The following FNBP1 variants were observed in gnomAD, a reference collection of about 807,000 sequenced individuals.
FNBP1 encodes formin binding protein 1, also known as formin-binding protein 1.
FNBP1 carries 26 observed loss-of-function variants against 90.6 expected under a neutral mutation model. The observed-to-expected ratio is 0.29, with a 90% CI of 0.21 to 0.40. FNBP1 has a LOEUF of 0.40. FNBP1 is among the 10% of genes least tolerant of loss of function. The pLI is 1.00. For missense variants in FNBP1, 635 were observed against 768.0 expected (o/e 0.83, Z 2.05); for synonymous variants, 260 against 265.2 (o/e 0.98, Z 0.19).
At chr9:130,012,647 G>A (rs1293843801) in intron 1 of FNBP1, among the ~76,000 whole-genome samples, 1 of 151,968 alleles carries the variant, frequency 6.6e-6, no homozygotes, top group Non-Finnish European at 1.5e-5. Flanking sequence ...GTTTTGTTTT[G>A]TTTTTTAATT....
chr9:129,933,680 CAGG>C (rs1564368913), intron 6 of FNBP1: 1 of 152,132 alleles, frequency 6.6e-6, no homozygotes, highest in African/African-American at 2.4e-5. Context: ...ACTGTCTCTC[CAGG>C]AGTTTTTCTT....
Position 129,890,839 on chromosome 9 carries a change from G to A in FNBP1, c.1847-293C>T, listed in dbSNP as rs1291209656. 6.6e-6 allele frequency among the ~76,000 whole-genome samples: 1 copy of A among 152,206 alleles called. No homozygotes were observed. The highest frequency in any genetic ancestry group is 1.5e-5 in the Non-Finnish European group (1 of 68,048). ...CCGCCCCAACTCGTCTTTCTCATAA[G>A]TTTAGTTTTGAGAGAAAGTAAGAAA... On this transcript the variant is annotated intron_variant, in intron 16 of 16. Transcript: ENST00000446176. This position sits in a 1 kb window ranked among gnomAD's most constrained non-coding sequence, Gnocchi z 5.8.
At position 129,994,928 on chromosome 9, in the gene FNBP1, G is replaced by T. The variant is rs1564527749; in HGVS notation, c.55C>A (p.Gln19Lys). 6.2e-7 allele frequency: 1 copy of T among 1,602,610 alleles called. No individual in the cohort carries two copies. The highest frequency in any genetic ancestry group is 1.3e-5 in the African/African-American group (1 of 74,754). Residue 19 changes from glutamine to lysine, a missense_variant, in exon 2 of 17, where the codon CAG (glutamine) becomes AAG (lysine). By Grantham distance (53) the Gln-to-Lys change is moderately conservative. Transcript: ENST00000446176. ...TTCTCAAGAATATCAATTCCCCACT[G>T]TGTGTGTTTTTCTAAGTTGTCAAAC... ...DQFDNLEKHT[Q>K]WGIDILEKYI...
intron 4 of FNBP1, among the ~76,000 whole-genome samples, chr9:129,969,239 T>C (rs1459918373): frequency 6.6e-6 from 1 of 152,244 alleles, no homozygotes; most frequent in Non-Finnish European, 1.5e-5. Context: ...TGTAAATCTA[T>C]TGATAATTCT....
intron 1 of FNBP1, among the ~76,000 whole-genome samples, chr9:130,030,067 A>C (rs1052968631): frequency 5.3e-5 from 8 of 152,176 alleles, no homozygotes; most frequent in Non-Finnish European, 1.0e-4. Context: ...TGAGATAATA[A>C]ATATCCAGCA....
At chr9:129,993,743 C>T (rs1192113520) in intron 2 of FNBP1, among the ~76,000 whole-genome samples, 1 of 151,796 alleles carries the variant, frequency 6.6e-6, no homozygotes, top group African/African-American at 2.4e-5. Context: ...TCATGTCTCA[C>T]CCTCCCAAGT....
At chr9:129,977,321 T>C (rs2050483944) in intron 4 of FNBP1, among the ~76,000 whole-genome samples, 1 of 152,076 alleles carries the variant, frequency 6.6e-6, no homozygotes, top group Non-Finnish European at 1.5e-5. Flanking sequence ...TGAGCATCCA[T>C]TTTTCTCTTT....
intron 12 of FNBP1, 45 bp downstream of exon 12, chr9:129,908,845 C>A (rs372902628): frequency 2.3e-6 from 3 of 1,312,118 alleles, no homozygotes; most frequent in Non-Finnish European, 1.1e-6. Flanking sequence ...TGAGCCACTG[C>A]GCCTGGCCTT....
At position 129,890,397 on chromosome 9, in the gene FNBP1, T is replaced by TGG. The variant is rs1418717554; in HGVS notation, c.*140_*141dup. ...GAGGGCAGGGCCGCAGGGAGCATGC[T>TGG]GGAGAGAGAGAGAGACCGCCCCGCA... On this transcript the variant is annotated 3_prime_UTR_variant, in exon 17 of 17. Coordinates refer to ENST00000446176, the MANE Select transcript of FNBP1 (RefSeq NM_015033.3). This position sits in a 1 kb window ranked among gnomAD's most constrained non-coding sequence, Gnocchi z 5.8. 2.6e-5 allele frequency: 12 copies of TGG among 467,404 alleles called. No homozygotes were observed. Among genetic ancestry groups the TGG allele is most frequent in the Non-Finnish European group, 4.5e-5 (12 of 267,276 alleles). 29.0% of individuals were successfully genotyped at this position (467,404 alleles called of 1,614,324 possible).
At chr9:129,928,995 C>T (rs1432118759) in intron 7 of FNBP1, among the ~76,000 whole-genome samples, 3 of 151,946 alleles carry the variant, frequency 2.0e-5, no homozygotes, top group Non-Finnish European at 2.9e-5. Flanking sequence ...GGAGGCTGAA[C>T]TTGGAGGATC....
At chr9:129,919,386 G>GA (rs2131781940) in intron 10 of FNBP1, 1 of 351,818 alleles carries the variant, frequency 2.8e-6, no homozygotes, top group Admixed American at 3.7e-5. Context: ...TCTAAAATAT[G>GA]AAAAACGTAC....
chr9:130,033,820 T>C (rs1464533699), intron 1 of FNBP1, among the ~76,000 whole-genome samples: 1 of 117,178 alleles, frequency 8.5e-6, no homozygotes, highest in Non-Finnish European at 1.7e-5. Context: ...GTGACTAACA[T>C]GGTAACCCCG....
chr9:129,942,029 C>T (rs2044400880), intron 6 of FNBP1, among the ~76,000 whole-genome samples: 3 of 151,522 alleles, frequency 2.0e-5, no homozygotes, highest in South Asian at 2.1e-4. Flanking sequence ...TAAGATCGCA[C>T]CACTGCACTC....
chr9:129,929,060 T>C (rs1245927587), intron 7 of FNBP1, among the ~76,000 whole-genome samples: 1 of 151,922 alleles, frequency 6.6e-6, no homozygotes, highest in African/African-American at 2.4e-5. Flanking sequence ...GATTGTGCAC[T>C]GCACTCCAGC....
At chr9:130,011,717 C>T (rs1002476554) in intron 1 of FNBP1, among the ~76,000 whole-genome samples, 2 of 152,098 alleles carry the variant, frequency 1.3e-5, no homozygotes, top group African/African-American at 4.8e-5. Context: ...ATTATCCACT[C>T]TCAGGTATTT....
intron 1 of FNBP1, 143 bp from the exon 2 acceptor site, chr9:129,995,101 G>C (rs1159333514): frequency 5.1e-6 from 3 of 589,976 alleles, no homozygotes; most frequent in Non-Finnish European, 8.8e-6. Flanking sequence ...CTTTTTTGTT[G>C]AGCCATTTTA....
chr9:129,954,946 A>C (rs2046692053), intron 6 of FNBP1, among the ~76,000 whole-genome samples: 2 of 152,006 alleles, frequency 1.3e-5, no homozygotes, highest in African/African-American at 4.8e-5. Flanking sequence ...ATGAACCGAG[A>C]TTGCGCTAGT....
At chr9:129,946,067 G>A (rs903757757) in intron 6 of FNBP1, among the ~76,000 whole-genome samples, 2 of 152,100 alleles carry the variant, frequency 1.3e-5, no homozygotes, top group African/African-American at 4.8e-5. Flanking sequence ...TACTCAGGAG[G>A]CTGAGGCACG....
At chr9:130,027,699 T>C (rs2058471237) in intron 1 of FNBP1, among the ~76,000 whole-genome samples, 1 of 152,080 alleles carries the variant, frequency 6.6e-6, no homozygotes, top group South Asian at 2.1e-4. Context: ...TGCTGGGCGT[T>C]AGAATCATCT....
Sources: allele counts gnomAD v4.1 joint callset (sites outside exome capture counted in the v4.1 genomes callset), GRCh38; gene constraint gnomAD v4.1.1; non-coding constraint Gnocchi (gnomAD v3.1); transcripts MANE v1.5; gene names NCBI Gene and HGNC (gene_info 2026-07-23, HGNC 2026-07-21).